The following SPINT2 variants were observed in gnomAD, a reference collection of about 807,000 sequenced individuals.
The protein encoded by SPINT2 is serine peptidase inhibitor, Kunitz type 2.
In SPINT2, 18 loss-of-function variants were observed where a neutral mutation model predicts 30.1. The observed-to-expected ratio is 0.60, with a 90% confidence interval of 0.41 to 0.89. SPINT2 has a LOEUF of 0.89. Among genes scored for constraint, SPINT2 ranks in the 40% least tolerant of loss-of-function variants. SPINT2 has a pLI of 0.00. For synonymous variants in SPINT2, 139 were observed against 137.9 expected, an observed-to-expected ratio of 1.01 and a Z score of -0.05; for missense variants, 276 against 334.3, an observed-to-expected ratio of 0.83 and a Z score of 1.36.
At chr19:38,291,471 T>A in intron 6 of SPINT2, 1 of 226,888 alleles carries the variant, frequency 4.4e-6, no homozygotes, top group Non-Finnish European at 8.9e-6. Flanking sequence ...AGGTTTCATG[T>A]GTACACACCG....
At chr19:38,289,516 C>G in intron 4 of SPINT2, 1 of 208,136 alleles carries the variant, frequency 4.8e-6, no homozygotes, top group African/African-American at 2.7e-5. Context: ...AAAAAAAACT[C>G]CGAAGAAACT....
chr19:38,277,339 G>A (rs568849959), intron 1 of SPINT2, among the ~76,000 whole-genome samples: 1 of 151,926 alleles, frequency 6.6e-6, no homozygotes, highest in Non-Finnish European at 1.5e-5. Flanking sequence ...TCTGCCTCCC[G>A]GTACAGGTGA....
chr19:38,292,220 C>T lies in SPINT2; in HGVS notation c.*214C>T. ...GCATGGCCTGCAGTCTGGCAGCAGC[C>T]CCGAGTTGTTTCCTCGCTGATCGAT... On this transcript the variant is annotated 3_prime_UTR_variant, in exon 7 of 7. Transcript: ENST00000301244. 5.1e-6 allele frequency: 3 copies of T among 588,476 alleles called. No homozygotes were observed. The highest frequency in any genetic ancestry group is 8.8e-6 in the Non-Finnish European group (3 of 339,060). The allele number at this position is 588,476 out of a possible 1,614,324, so 36.5% of individuals were successfully genotyped here.
chr19:38,270,499 T>C (rs1286625704), intron 1 of SPINT2, among the ~76,000 whole-genome samples: 1 of 152,142 alleles, frequency 6.6e-6, no homozygotes, highest in Admixed American at 6.5e-5. Flanking sequence ...GACAGTACAA[T>C]AAATGAACAG....
chr19:38,283,710 C>T lies in SPINT2; in HGVS notation c.190C>T (p.Gln64Ter). Residue 64 changes from glutamine to a stop codon, truncating the protein, a stop_gained, in exon 2 of 7, where the codon CAG (glutamine) becomes TAG (stop). Transcript: ENST00000301244. LOFTEE classifies it high-confidence loss of function. ...WWYNVTDGSC[Q>*]LFVYGGCDGN... Reference sequence around the variant, plus strand: ...GTACAATGTCACTGACGGATCCTGCCAGCTGTTTGTGTATGGGGGCTGTGA... The same window carrying T: ...GTACAATGTCACTGACGGATCCTGCTAGCTGTTTGTGTATGGGGGCTGTGA... 6.2e-7 allele frequency: 1 copy of T among 1,614,120 alleles called. No homozygotes were observed. The highest frequency in any genetic ancestry group is 8.5e-7 in the Non-Finnish European group (1 of 1,180,034).
chr19:38,289,135 CA>C lies in SPINT2; in HGVS notation c.338-2del. On this transcript the variant is annotated splice_acceptor_variant, in intron 3 of 6. Transcript: ENST00000301244. LOFTEE classifies it high-confidence loss of function. ...CTCCCTAACACAGATGTTTGTGTTT[CA>C]GCTCCCAGAAGGCAGGATTCTGAAG... 6.2e-7 allele frequency: 1 copy of C among 1,613,924 alleles called. No individual in the cohort carries two copies. The highest frequency in any genetic ancestry group is 8.5e-7 in the Non-Finnish European group (1 of 1,179,896).
rs1219538812 is a variant in SPINT2 at position 38,265,707 on chromosome 19, T to C, written c.106+709T>C. 2.0e-5 allele frequency: 3 copies of C among 152,330 alleles called. No individual in the cohort carries two copies. In the East Asian group the frequency reaches 5.8e-4, roughly 29 times the overall value. 9.4% of individuals were successfully genotyped at this position (152,330 alleles called of 1,614,324 possible). A position where few individuals can be genotyped will look rare whatever the true frequency, so the allele number is the denominator to read the frequency against. On this transcript the variant is annotated intron_variant, in intron 1 of 6. Coordinates refer to ENST00000301244, the MANE Select transcript of SPINT2 (RefSeq NM_021102.4). ...TCTGAAAGGTCTCTTTGAACAAGTG[T>C]TGTTATAACCTTAACTGCTTCAGAC... is the stretch of plus-strand genomic sequence containing the variant.
At chr19:38,289,242 G>T in intron 4 of SPINT2, 51 bp downstream of exon 4, 1 of 1,516,212 alleles carries the variant, frequency 6.6e-7, no homozygotes, top group Non-Finnish European at 9.1e-7. Context: ...TAATCCCAGC[G>T]CTTTGGGAGG....
chr19:38,283,689 A>G lies in SPINT2; in HGVS notation c.169A>G (p.Asn57Asp), dbSNP rs773333522. The G allele has an allele frequency of 6.2e-7, 1 of 1,614,096 alleles. No individual in the cohort carries two copies. The highest frequency in any genetic ancestry group is 1.7e-5 in the Admixed American group (1 of 59,992). ...CRASMPRWWY[N>D]VTDGSCQLFV... ...GGCCTCCATGCCTAGGTGGTGGTACAATGTCACTGACGGATCCTGCCAGCT... is the reference window on the plus strand; with the variant it reads ...GGCCTCCATGCCTAGGTGGTGGTACGATGTCACTGACGGATCCTGCCAGCT... Residue 57 changes from asparagine (N) to aspartate (D), a missense_variant, in exon 2 of 7, where the codon AAT becomes GAT. By Grantham distance (23) the Asn-to-Asp change is conservative. Coordinates refer to ENST00000301244, the MANE Select transcript of SPINT2 (RefSeq NM_021102.4).
At chr19:38,269,797 G>A (rs1600332844) in intron 1 of SPINT2, among the ~76,000 whole-genome samples, 1 of 152,026 alleles carries the variant, frequency 6.6e-6, no homozygotes, top group African/African-American at 2.4e-5. Context: ...TTTTAGTAGA[G>A]ACGGGGTTTC....
intron 1 of SPINT2, among the ~76,000 whole-genome samples, chr19:38,274,219 C>A (rs1413711012): frequency 7.1e-6 from 1 of 141,432 alleles, no homozygotes; most frequent in Non-Finnish European, 1.6e-5. Flanking sequence ...GGGCAAGTCC[C>A]TGTCTCAAAA....
chr19:38,289,952 G>A (rs1600351953), intron 4 of SPINT2, 167 bp from the exon 5 acceptor site: 2 of 745,250 alleles, frequency 2.7e-6, no homozygotes, highest in Admixed American at 2.1e-5. Context: ...CCAAGGAGCA[G>A]CGCGTCAGAG....
intron 1 of SPINT2, among the ~76,000 whole-genome samples, chr19:38,275,191 T>C (rs1968501810): frequency 1.3e-5 from 2 of 152,240 alleles, no homozygotes; most frequent in African/African-American, 4.8e-5. Context: ...TTAGAAATTC[T>C]TTTGCACAGA....
chr19:38,280,323 A>G (rs1600342737), intron 1 of SPINT2, among the ~76,000 whole-genome samples: 1 of 152,200 alleles, frequency 6.6e-6, no homozygotes, highest in African/African-American at 2.4e-5. Context: ...GTTCTTAGGA[A>G]TCATACAGTA....
At chr19:38,269,413 T>C (rs1256437548) in intron 1 of SPINT2, among the ~76,000 whole-genome samples, 2 of 143,456 alleles carry the variant, frequency 1.4e-5, no homozygotes, top group African/African-American at 5.3e-5. Flanking sequence ...TTTTTTTTTT[T>C]TTTTTTTTTT....
intron 1 of SPINT2, among the ~76,000 whole-genome samples, chr19:38,282,659 T>A (rs1968592857): frequency 1.3e-5 from 2 of 152,232 alleles, no homozygotes; most frequent in African/African-American, 4.8e-5. Flanking sequence ...TGAGGGTGCC[T>A]TGAAACCCAG....
chr19:38,285,022 T>G (rs190705701), intron 2 of SPINT2, among the ~76,000 whole-genome samples: 5 of 152,190 alleles, frequency 3.3e-5, no homozygotes, highest in Non-Finnish European at 4.4e-5. Context: ...GGCCGCTATT[T>G]GGGTTATTTT....
rs1276205821 is a variant in SPINT2, at chr19:38,290,520, T to C, written c.554-17T>C. 6.2e-7 allele frequency: 1 copy of C among 1,614,060 alleles called. No homozygotes were observed. Among genetic ancestry groups the C allele is most frequent in the East Asian group, 2.2e-5 (1 of 44,880 alleles). On this transcript the variant is annotated splice_polypyrimidine_tract_variant and intron_variant, in intron 5 of 6. Coordinates refer to ENST00000301244, the MANE Select transcript of SPINT2 (RefSeq NM_021102.4). The surrounding 1 kb of genome is among the most constrained non-coding windows in gnomAD (Gnocchi z 4.3). ...TGGGGGCTGTGAGCTGACCTCAGGC[T>C]GTGTGTTCTCTTCCAGGCCAGCAGG...
chr19:38,287,960 TG>T (rs771169456), intron 3 of SPINT2, 25 bp downstream of exon 3: 32 of 1,613,140 alleles, frequency 2.0e-5, no homozygotes, highest in Non-Finnish European at 2.6e-5. Context: ...AGACCCGCGA[TG>T]GAGTGAGGCC....
Sources: allele counts gnomAD v4.1 joint callset (sites outside exome capture counted in the v4.1 genomes callset), GRCh38; gene constraint gnomAD v4.1.1; non-coding constraint Gnocchi (gnomAD v3.1); transcripts MANE v1.5; gene names NCBI Gene and HGNC (gene_info 2026-07-23, HGNC 2026-07-21).